The following OSTN variants were observed in gnomAD, a reference collection of about 807,000 sequenced individuals.
OSTN encodes osteocrin.
OSTN carries 9 observed loss-of-function variants against 12.0 expected under a neutral mutation model. The ratio of observed to expected loss-of-function variants is 0.75; its 90% confidence interval spans 0.45 to 1.30. The LOEUF (loss-of-function observed/expected upper bound fraction) is 1.30, where lower values mean the gene tolerates loss of function less well. Ranked by LOEUF, OSTN falls within the 50% of genes most tolerant of loss-of-function variation. OSTN has a pLI of 0.00. For missense variants in OSTN, 148 were observed against 152.3 expected (o/e 0.97, Z 0.15); for synonymous variants, 59 against 56.9 (o/e 1.04, Z -0.16).
chr3:191,213,927 A>ATCCT (rs1476187877), intron 2 of OSTN, among the ~76,000 whole-genome samples: 4 of 152,132 alleles, frequency 2.6e-5, no homozygotes, highest in African/African-American at 9.7e-5. Flanking sequence ...GGTCATTTGC[A>ATCCT]TCCTTCCCAT....
chr3:191,258,739 C>T (rs538668879), intron 4 of OSTN, among the ~76,000 whole-genome samples: 74 of 152,130 alleles, frequency 4.9e-4, no homozygotes, highest in African/African-American at 1.8e-3. Context: ...CCAGGCCACA[C>T]ACTTTGGTCA....
intron 1 of OSTN, among the ~76,000 whole-genome samples, chr3:191,202,443 A>G (rs1487911474): frequency 6.6e-6 from 1 of 152,190 alleles, no homozygotes; most frequent in East Asian, 1.9e-4. Context: ...TTATATCCCC[A>G]GTATCTGACA....
chr3:191,245,439 G>C (rs1251281111), intron 3 of OSTN, among the ~76,000 whole-genome samples: 1 of 152,086 alleles, frequency 6.6e-6, no homozygotes, highest in East Asian at 1.9e-4. Flanking sequence ...GAGTAGCTTA[G>C]AATAAAAGAC....
At chr3:191,241,167 CTTTTTTTTTTTTTTTT>C (rs575332839) in intron 3 of OSTN, among the ~76,000 whole-genome samples, 4 of 46,444 alleles carry the variant, frequency 8.6e-5, no homozygotes, top group Admixed American at 7.5e-4. Context: ...TGTGCCTTGA[CTTTTTTTTTTTTTTTT>C]TTTTTTTTTT....
At chr3:191,237,027 A>T (rs933473767) in intron 3 of OSTN, among the ~76,000 whole-genome samples, 3 of 152,168 alleles carry the variant, frequency 2.0e-5, no homozygotes, top group African/African-American at 7.2e-5. Context: ...ATTTCTTTGC[A>T]GAAAGTAGCT....
At chr3:191,242,810 T>C (rs1269299435) in intron 3 of OSTN, among the ~76,000 whole-genome samples, 1 of 152,164 alleles carries the variant, frequency 6.6e-6, no homozygotes, top group Non-Finnish European at 1.5e-5. Flanking sequence ...TTACATGAGA[T>C]GCAAAAATAT....
chr3:191,223,163 T>G (rs544063212), intron 3 of OSTN, among the ~76,000 whole-genome samples: 1 of 152,310 alleles, frequency 6.6e-6, no homozygotes, highest in East Asian at 1.9e-4. Context: ...ATATAATCTA[T>G]CTAGCTAGCT....
chr3:191,260,959 C>T (rs775073011), intron 4 of OSTN, among the ~76,000 whole-genome samples: 6 of 152,166 alleles, frequency 3.9e-5, no homozygotes, highest in African/African-American at 9.7e-5. Context: ...ATCTTTGTCT[C>T]GCATTAATCA....
intron 3 of OSTN, among the ~76,000 whole-genome samples, chr3:191,240,731 TGAAGGCAG>T (rs1715298548): frequency 6.6e-6 from 1 of 152,258 alleles, no homozygotes; most frequent in African/African-American, 2.4e-5. Context: ...CTCACTTGGC[TGAAGGCAG>T]GAAGTCTCTG....
intron 4 of OSTN, among the ~76,000 whole-genome samples, chr3:191,258,574 G>C (rs1374467717): frequency 6.6e-6 from 1 of 151,608 alleles, no homozygotes; most frequent in Non-Finnish European, 1.5e-5. Flanking sequence ...CGGGTTGATG[G>C]GTGCAGCAAA....
intron 3 of OSTN, among the ~76,000 whole-genome samples, chr3:191,246,329 G>A: frequency 6.6e-6 from 1 of 151,932 alleles, no homozygotes; most frequent in Non-Finnish European, 1.5e-5. Flanking sequence ...TAGTAGGCCG[G>A]GTGTGGTGGC....
chr3:191,227,667 T>TG (rs1282656477), intron 3 of OSTN, among the ~76,000 whole-genome samples: 2 of 152,190 alleles, frequency 1.3e-5, no homozygotes, highest in Non-Finnish European at 2.9e-5. Context: ...TTTGTCGTTC[T>TG]GGGGGAACGA....
chr3:191,219,077 T>A (rs1714697890), intron 3 of OSTN, 116 bp downstream of exon 3: 2 of 927,192 alleles, frequency 2.2e-6, no homozygotes, highest in East Asian at 5.3e-5. Flanking sequence ...ATAAACAGAT[T>A]TGACGGTATG....
chr3:191,210,508 T>A (rs1714392395), intron 1 of OSTN, among the ~76,000 whole-genome samples: 1 of 152,202 alleles, frequency 6.6e-6, no homozygotes, highest in Non-Finnish European at 1.5e-5. Flanking sequence ...AGAAGGGGTA[T>A]GCATGAATCG....
chr3:191,222,720 G>A (rs1002426451), intron 3 of OSTN, among the ~76,000 whole-genome samples: 2 of 152,112 alleles, frequency 1.3e-5, no homozygotes, highest in African/African-American at 2.4e-5. Context: ...TGGTTTGTCT[G>A]TGTCCCCATC....
At chr3:191,207,510 T>C (rs1714308815) in intron 1 of OSTN, among the ~76,000 whole-genome samples, 1 of 152,162 alleles carries the variant, frequency 6.6e-6, no homozygotes, top group East Asian at 1.9e-4. Context: ...TAACCATCTC[T>C]AACATTTATA....
intron 1 of OSTN, among the ~76,000 whole-genome samples, chr3:191,201,145 A>G (rs952892955): frequency 1.3e-5 from 2 of 152,028 alleles, no homozygotes; most frequent in South Asian, 2.1e-4. Flanking sequence ...CTTTCTTCAG[A>G]TAAGTGTCAC....
chr3:191,244,214 A>G (rs1382821479), intron 3 of OSTN, among the ~76,000 whole-genome samples: 1 of 152,158 alleles, frequency 6.6e-6, no homozygotes, highest in African/African-American at 2.4e-5. Flanking sequence ...ACCTTTAGAA[A>G]TGGAGTTATC....
At chr3:191,238,067 G>A (rs559141105) in intron 3 of OSTN, among the ~76,000 whole-genome samples, 88 of 152,180 alleles carry the variant, frequency 5.8e-4, no homozygotes, top group African/African-American at 2.0e-3. Context: ...TGAGCCAATC[G>A]CGGCATCTCA....
Sources: allele counts gnomAD v4.1 joint callset (sites outside exome capture counted in the v4.1 genomes callset), GRCh38; gene constraint gnomAD v4.1.1; transcripts MANE v1.5; gene names NCBI Gene and HGNC (gene_info 2026-07-23, HGNC 2026-07-21).